Variants in CDC37L1 observed in about 807,000 individuals in gnomAD.
The protein encoded by CDC37L1 is hsp90 co-chaperone Cdc37-like 1.
In CDC37L1, 32 loss-of-function variants were observed where a neutral mutation model predicts 45.9. The observed-to-expected ratio is 0.70, with a 90% CI of 0.53 to 0.94. CDC37L1 has a LOEUF of 0.94. Ranked by LOEUF, CDC37L1 falls within the 40% of genes least tolerant of loss-of-function variation. The probability of loss-of-function intolerance (pLI) is 0.00; values close to 1 mark genes in which losing one functional copy is unlikely to be tolerated. For missense variants in CDC37L1, 434 were observed against 405.7 expected, an observed-to-expected ratio of 1.07 and a Z score of -0.60; for synonymous variants, 150 against 133.0, an observed-to-expected ratio of 1.13 and a Z score of -0.88.
chr9:4,699,267 A>G (rs1275773712), intron 5 of CDC37L1, among the ~76,000 whole-genome samples: 1 of 152,240 alleles, frequency 6.6e-6, no homozygotes, highest in Non-Finnish European at 1.5e-5. Context: ...TCCAAAATCC[A>G]AAACTGTTTG....
intron 5 of CDC37L1, among the ~76,000 whole-genome samples, chr9:4,698,400 C>T (rs1359032924): frequency 6.7e-6 from 1 of 149,682 alleles, no homozygotes; most frequent in African/African-American, 2.5e-5. Context: ...TTGTAATGAG[C>T]TGAAGAAATG....
At chr9:4,692,554 G>A (rs962443411) in intron 3 of CDC37L1, among the ~76,000 whole-genome samples, 1 of 152,148 alleles carries the variant, frequency 6.6e-6, no homozygotes, top group African/African-American at 2.4e-5. Context: ...ACAGGCGTGA[G>A]CCACCACTCT....
intron 6 of CDC37L1, among the ~76,000 whole-genome samples, chr9:4,705,769 A>C (rs1436846290): frequency 6.6e-6 from 1 of 152,090 alleles, no homozygotes; most frequent in South Asian, 2.1e-4. Flanking sequence ...ATTTGTTAAC[A>C]TTTCTGTTTT....
chr9:4,705,120 C>G (rs1016937991), intron 6 of CDC37L1, among the ~76,000 whole-genome samples: 1 of 152,130 alleles, frequency 6.6e-6, no homozygotes, highest in African/African-American at 2.4e-5. Context: ...CTCCCAACCT[C>G]CTATTGGATG....
Position 4,706,063 on chromosome 9 carries a change from C to A in CDC37L1, c.965C>A (p.Ser322Ter). ...AGTACAGCTCTCTGCAGCTTAAACTCGGTGGTACATAAAGAAGATGATGAA... is the reference window on the plus strand; with the variant it reads ...AGTACAGCTCTCTGCAGCTTAAACTAGGTGGTACATAAAGAAGATGATGAA... Reference protein sequence around the residue: ...SISTALCSLNSVVHKEDDEPK... With the variant: ...SISTALCSLN Residue 322 changes from serine (S) to a stop codon, truncating the protein, a stop_gained, in exon 7 of 7, where the codon TCG (serine) becomes TAG (stop). Transcript: ENST00000381854. LOFTEE classifies it high-confidence loss of function. 6.2e-7 allele frequency: 1 copy of A among 1,606,940 alleles called. No homozygotes were observed. Among genetic ancestry groups the A allele is most frequent in the South Asian group, 1.1e-5 (1 of 90,858 alleles).
At chr9:4,694,746 C>A (rs1252877672) in intron 3 of CDC37L1, among the ~76,000 whole-genome samples, 1 of 152,050 alleles carries the variant, frequency 6.6e-6, no homozygotes, top group Non-Finnish European at 1.5e-5. Context: ...TGACACACGC[C>A]TGTAATCCCA....
At chr9:4,698,627 ACAAGTG>A (rs1378149412) in intron 5 of CDC37L1, among the ~76,000 whole-genome samples, 1 of 152,082 alleles carries the variant, frequency 6.6e-6, no homozygotes, top group Admixed American at 6.6e-5. Flanking sequence ...GTAAAGTTGA[ACAAGTG>A]CCTGCCTTAA....
In CDC37L1 at chr9:4,684,880, T is replaced by G. The variant is rs764111870; in HGVS notation, c.136T>G (p.Tyr46Asp). ...PQLPGGGAQM[Y>D]SHGIELACQK... ...TACAAATATTGTTTTTATCCAGATG[T>G]ATAGCCATGGAATTGAATTGGCTTG... Residue 46 changes from tyrosine (Y) to aspartate (D), a missense_variant, in exon 2 of 7, where the codon TAT (tyrosine) becomes GAT (aspartate). By Grantham distance (160) the Tyr-to-Asp change is radical. Coordinates refer to ENST00000381854, the MANE Select transcript of CDC37L1 (RefSeq NM_017913.4). 12 of 1,608,042 alleles carry G rather than the reference T, an allele frequency of 7.5e-6. No homozygotes were observed. The Admixed American group carries it at 2.0e-4, about 27-fold the overall frequency.
Position 4,692,182 on chromosome 9 carries a change from A to C in CDC37L1, c.508+3576A>C, listed in dbSNP as rs529452758. On this transcript the variant is annotated intron_variant, in intron 3 of 6. Coordinates refer to ENST00000381854, the MANE Select transcript of CDC37L1 (RefSeq NM_017913.4). ...TGTAATTGTTCATTGCTTTTAAAAA[A>C]CATATCAATATCTTATTTTTGAAAA... Among the ~76,000 whole-genome samples, 23 of 149,642 alleles carry C rather than the reference A, an allele frequency of 1.5e-4. No individual in the cohort carries two copies. The East Asian group carries it at 4.6e-3, about 30-fold the overall frequency.
At chr9:4,692,078 G>C (rs531342962) in intron 3 of CDC37L1, among the ~76,000 whole-genome samples, 3 of 152,036 alleles carry the variant, frequency 2.0e-5, no homozygotes, top group Admixed American at 6.6e-5. Flanking sequence ...ATTTTACCAA[G>C]AGCTATAAAA....
At chr9:4,689,428 G>A (rs116896803) in intron 3 of CDC37L1, among the ~76,000 whole-genome samples, 3 of 150,828 alleles carry the variant, frequency 2.0e-5, no homozygotes, top group Middle Eastern at 3.2e-3. Flanking sequence ...TCTTTTTCCT[G>A]TTGGTGTTTA....
intron 5 of CDC37L1, 51 bp downstream of exon 5, chr9:4,697,930 A>C: frequency 6.3e-7 from 1 of 1,576,964 alleles, no homozygotes; most frequent in Non-Finnish European, 8.7e-7. Flanking sequence ...CCCAGCTGAG[A>C]CCTCTTTGTT....
intron 3 of CDC37L1, among the ~76,000 whole-genome samples, chr9:4,693,229 C>T (rs562974930): frequency 6.6e-6 from 1 of 151,664 alleles, no homozygotes; most frequent in East Asian, 1.9e-4. Context: ...ATCACTTGAG[C>T]CCAGGGATTC....
intron 5 of CDC37L1, among the ~76,000 whole-genome samples, 176 bp from the exon 6 acceptor site, chr9:4,701,688 T>G (rs559137245): frequency 6.6e-6 from 1 of 152,326 alleles, no homozygotes; most frequent in South Asian, 2.1e-4. Context: ...TTATTAATGT[T>G]CCTATAAATC....
At position 4,706,622 on chromosome 9, in the gene CDC37L1, TGGG is replaced by T. The variant is rs1230186640; in HGVS notation, c.*514_*516del. Reference sequence around the variant, plus strand: ...TGGTAATGTACTTTACTAAATAAGTTGGGGGGTACAATTTTTAAAAGTCTTAAC... The same window carrying T: ...TGGTAATGTACTTTACTAAATAAGTTGGGTACAATTTTTAAAAGTCTTAAC... On this transcript the variant is annotated 3_prime_UTR_variant, in exon 7 of 7. Transcript: ENST00000381854. The T allele has an allele frequency of 6.6e-6, 1 of 152,606 alleles. No individual in the cohort carries two copies. The highest frequency in any genetic ancestry group is 1.5e-5 in the Non-Finnish European group (1 of 68,030). 9.5% of individuals were successfully genotyped at this position (152,606 alleles called of 1,614,324 possible).
intron 6 of CDC37L1, among the ~76,000 whole-genome samples, chr9:4,705,540 A>G (rs1329807050): frequency 6.6e-6 from 1 of 152,194 alleles, no homozygotes; most frequent in Non-Finnish European, 1.5e-5. Flanking sequence ...CCTTTGGGAA[A>G]CCACAATAGA....
At chr9:4,683,310 G>A (rs1841215812) in intron 1 of CDC37L1, among the ~76,000 whole-genome samples, 1 of 151,674 alleles carries the variant, frequency 6.6e-6, no homozygotes, top group Non-Finnish European at 1.5e-5. Flanking sequence ...GTTACTACTT[G>A]CCTCAGAATT....
intron 1 of CDC37L1, among the ~76,000 whole-genome samples, chr9:4,682,530 C>T (rs993361481): frequency 4.0e-5 from 6 of 151,726 alleles, no homozygotes; most frequent in East Asian, 1.9e-4. Context: ...GGTTTCACCA[C>T]GTTAGCCAGG....
At chr9:4,682,661 C>T (rs993018675) in intron 1 of CDC37L1, among the ~76,000 whole-genome samples, 24 of 151,458 alleles carry the variant, frequency 1.6e-4, no homozygotes, top group Non-Finnish European at 3.1e-4. Context: ...TTAGTAGAAA[C>T]GGGGTTTCGC....
Sources: gnomAD v4.1 joint callset for allele counts (sites outside exome capture counted in the v4.1 genomes callset) on GRCh38, gnomAD v4.1.1 for gene constraint, MANE v1.5 for transcripts, NCBI Gene and HGNC (gene_info 2026-07-23, HGNC 2026-07-21) for gene names.